The following MAP3K19 variants were observed in gnomAD, a reference collection of about 807,000 sequenced individuals.
The protein encoded by MAP3K19 is SPS1/STE20-related protein kinase YSK4.
In MAP3K19, 91 loss-of-function variants were observed where a neutral mutation model predicts 114.4. That is an observed-to-expected ratio of 0.80 (90% CI 0.67 to 0.95). MAP3K19 has a LOEUF of 0.95. Ranked by LOEUF, MAP3K19 falls within the 40% of genes least tolerant of loss-of-function variation. The pLI, the probability that MAP3K19 is intolerant of heterozygous loss-of-function variation, is 0.00. For missense variants in MAP3K19, 1,471 were observed against 1,573.2 expected (o/e 0.94, Z 1.10); for synonymous variants, 518 against 530.5 (o/e 0.98, Z 0.32).
chr2:134,968,844 G>A (rs1364268738), intron 12 of MAP3K19, among the ~76,000 whole-genome samples: 1 of 151,390 alleles, frequency 6.6e-6, no homozygotes, highest in Non-Finnish European at 1.5e-5. Flanking sequence ...CGGCTGGGCA[G>A]AGACGCTCCT....
At chr2:135,041,151 C>T (rs528692163) in intron 1 of MAP3K19, among the ~76,000 whole-genome samples, 1 of 152,128 alleles carries the variant, frequency 6.6e-6, no homozygotes, top group South Asian at 2.1e-4. Flanking sequence ...AGGGACATTA[C>T]ATGACTTATC....
chr2:135,039,484 G>A (rs1025899783), intron 2 of MAP3K19, among the ~76,000 whole-genome samples: 108 of 152,212 alleles, frequency 7.1e-4, no homozygotes, highest in African/African-American at 2.6e-3. Flanking sequence ...TTGGGAGACT[G>A]AGTTTGGAGA....
At chr2:135,017,318 T>C (rs1687643734) in intron 5 of MAP3K19, among the ~76,000 whole-genome samples, 1 of 152,226 alleles carries the variant, frequency 6.6e-6, no homozygotes, top group South Asian at 2.1e-4. Flanking sequence ...CAGAAAAGAA[T>C]CTTCCAGTCT....
chr2:135,015,707 A>T (rs1197648510), intron 5 of MAP3K19, among the ~76,000 whole-genome samples: 1 of 152,066 alleles, frequency 6.6e-6, no homozygotes, highest in Non-Finnish European at 1.5e-5. Flanking sequence ...ATCCTGGCCA[A>T]CATAGTGAAA....
At position 134,985,852 on chromosome 2, in the gene MAP3K19, C is replaced by T. The variant is rs1173756000; in HGVS notation, c.3020G>A (p.Arg1007Lys). ...GCCCATTTCTTTTGGGGTACTTCCT[C>T]TCCATCTGAGGACAAGATTTAGGTT... ...PENLNLVLRW[R>K]GSTPKEMGRE... Residue 1007 changes from arginine to lysine, a missense_variant, in exon 10 of 13, where the codon AGA (arginine) becomes AAA (lysine). Coordinates refer to ENST00000392915, the MANE Select transcript of MAP3K19 (RefSeq NM_025052.5). 3.1e-6 allele frequency: 5 copies of T among 1,613,536 alleles called. No individual in the cohort carries two copies. The highest frequency in any genetic ancestry group is 4.2e-6 in the Non-Finnish European group (5 of 1,179,866).
chr2:134,997,822 A>AAAAAAAAAAAAAAAAAAAAAAAAAAAAAC (rs1559164840), intron 8 of MAP3K19, among the ~76,000 whole-genome samples: 1 of 151,494 alleles, frequency 6.6e-6, no homozygotes. Context: ...CGTCTCAAAA[A>AAAAAAAAAAAAAAAAAAAAAAAAAAAAAC]AAAAAAAACT....
chr2:135,046,719 G>T (rs1688752892), intron 1 of MAP3K19, among the ~76,000 whole-genome samples: 1 of 152,140 alleles, frequency 6.6e-6, no homozygotes, highest in Admixed American at 6.5e-5. Context: ...AAAACCTTTT[G>T]TTATAGTGTA....
intron 3 of MAP3K19, among the ~76,000 whole-genome samples, chr2:135,025,496 C>T (rs916809785): frequency 1.3e-5 from 2 of 151,170 alleles, no homozygotes; most frequent in Non-Finnish European, 2.9e-5. Flanking sequence ...CGCCATTCTC[C>T]TGCCTCAGCC....
intron 12 of MAP3K19, among the ~76,000 whole-genome samples, chr2:134,970,637 G>T (rs759699431): frequency 7.2e-6 from 1 of 139,042 alleles, no homozygotes; most frequent in African/African-American, 2.7e-5. Context: ...TCACTCTGTC[G>T]CCCAGGCTGG....
intron 5 of MAP3K19, among the ~76,000 whole-genome samples, chr2:135,010,950 A>G (rs1574014099): frequency 6.6e-6 from 1 of 152,158 alleles, no homozygotes; most frequent in East Asian, 1.9e-4. Context: ...ATTTTGAAAG[A>G]AGATTCTCCT....
At chr2:134,973,290 TTCATATACCTGGGTGC>T (rs1295098564) in intron 12 of MAP3K19, among the ~76,000 whole-genome samples, 5 of 152,216 alleles carry the variant, frequency 3.3e-5, no homozygotes, top group Non-Finnish European at 7.3e-5. Flanking sequence ...TAATATTTGC[TTCATATACCTGGGTGC>T]TCTGGTGCAG....
chr2:134,986,119 T>C lies in MAP3K19; in HGVS notation c.2753A>G (p.Gln918Arg). ...ATAATGTACCCAATATTGATATGTC[T>C]GGGAAGATGCACTTTCTTGTTTTGC... is the stretch of plus-strand genomic sequence containing the variant. ...FQAKQESASS[Q>R]TYQYWVHYLD... Residue 918 changes from glutamine to arginine, a missense_variant, in exon 10 of 13, where the codon CAG (glutamine) becomes CGG (arginine). Physicochemically the swap from Gln to Arg is conservative, Grantham distance 43 (BLOSUM62 1). Transcript: ENST00000392915. 6.2e-7 allele frequency: 1 copy of C among 1,614,118 alleles called. No homozygotes were observed. Among genetic ancestry groups the C allele is most frequent in the Non-Finnish European group, 8.5e-7 (1 of 1,179,968 alleles).
Position 134,999,890 on chromosome 2 carries a change from G to T in MAP3K19, c.314+47C>A. 4 of 1,249,884 alleles carry T rather than the reference G, an allele frequency of 3.2e-6. No individual in the cohort carries two copies. Among genetic ancestry groups the T allele is most frequent in the Non-Finnish European group, 4.7e-6 (4 of 849,082 alleles). The allele number at this position is 1,249,884 out of a possible 1,614,324, so 77.4% of individuals were successfully genotyped here. On this transcript the variant is annotated intron_variant, in intron 7 of 12. Coordinates refer to ENST00000392915, the MANE Select transcript of MAP3K19 (RefSeq NM_025052.5). The surrounding 1 kb of genome is among the most constrained non-coding windows in gnomAD (Gnocchi z 4.1). ...TGTAGGTTGCCATATGACTATCATT[G>T]CTTCATACTTCATTTCAAATCTGAT...
Position 134,968,253 on chromosome 2 carries a change from A to C in MAP3K19, c.3921-3337T>G, listed in dbSNP as rs866836901. On this transcript the variant is annotated intron_variant, in intron 12 of 12. Transcript: ENST00000392915. ...GAACAAAATGAAAAGTCTCCCATGT[A>C]TACTTCTTTCTACACAGACACGGCA... is the stretch of plus-strand genomic sequence containing the variant. 4.8e-3 allele frequency among the ~76,000 whole-genome samples: 725 copies of C among 152,058 alleles called. 4 individuals carry two copies. The highest frequency in any genetic ancestry group is 0.012 in the African/African-American group (499 of 41,446).
intron 5 of MAP3K19, among the ~76,000 whole-genome samples, chr2:135,020,479 C>T (rs1687894753): frequency 6.6e-6 from 1 of 152,142 alleles, no homozygotes; most frequent in East Asian, 1.9e-4. Context: ...GCCATCATGA[C>T]CAGCTAATTT....
chr2:135,045,722 A>G (rs1378004003), intron 1 of MAP3K19, among the ~76,000 whole-genome samples: 2 of 152,222 alleles, frequency 1.3e-5, no homozygotes, highest in African/African-American at 4.8e-5. Flanking sequence ...ATAAAACAAA[A>G]AAATTTAGAT....
At chr2:135,014,984 T>C (rs1574024196) in intron 5 of MAP3K19, among the ~76,000 whole-genome samples, 2 of 152,222 alleles carry the variant, frequency 1.3e-5, no homozygotes, top group Admixed American at 1.3e-4. Flanking sequence ...TTGGGGGCTA[T>C]TATAATAGTG....
At position 134,986,622 on chromosome 2, in the gene MAP3K19, A is replaced by G. The variant is rs367668913; in HGVS notation, c.2250T>C (p.His750=). The G allele has an allele frequency of 1.9e-6, 3 of 1,614,050 alleles. No homozygotes were observed. The highest frequency in any genetic ancestry group is 1.1e-5 in the South Asian group (1 of 91,084). Reference sequence around the variant, plus strand: ...CATTTTCAATGTCATGTAGGTTGCTATGTACAGCCTTGGAACTCTTTTCTT... The same window carrying G: ...CATTTTCAATGTCATGTAGGTTGCTGTGTACAGCCTTGGAACTCTTTTCTT... ...ISKEKSSKAV[H]SNLHDIENGD... Residue 750 remains histidine, a synonymous_variant, in exon 10 of 13, where the codon CAT becomes CAC. Coordinates refer to ENST00000392915, the MANE Select transcript of MAP3K19 (RefSeq NM_025052.5).
chr2:134,992,377 C>T (rs1430317378), intron 8 of MAP3K19, among the ~76,000 whole-genome samples: 3 of 152,140 alleles, frequency 2.0e-5, no homozygotes, highest in Non-Finnish European at 4.4e-5. Flanking sequence ...TAGTATAAAA[C>T]TTACAAGTTG....
Sources: allele counts gnomAD v4.1 joint callset (sites outside exome capture counted in the v4.1 genomes callset), GRCh38; gene constraint gnomAD v4.1.1; non-coding constraint Gnocchi (gnomAD v3.1); transcripts MANE v1.5; gene names NCBI Gene and HGNC (gene_info 2026-07-23, HGNC 2026-07-21).